The following SLC30A6 variants were observed in gnomAD, a reference collection of about 807,000 sequenced individuals.
SLC30A6 encodes the protein zinc transporter 6.
SLC30A6 carries 55 observed loss-of-function variants against 63.0 expected under a neutral mutation model. The ratio of observed to expected loss-of-function variants is 0.87; its 90% CI spans 0.70 to 1.09. SLC30A6 has a LOEUF of 1.09. SLC30A6 is among the 50% of genes least tolerant of loss of function. The pLI, the probability that SLC30A6 is intolerant of heterozygous loss-of-function variation, is 0.00. For missense variants in SLC30A6, 587 were observed against 549.2 expected (o/e 1.07, Z -0.69); for synonymous variants, 224 against 186.1 (o/e 1.20, Z -1.66).
chr2:32,200,501 C>G (rs1684192925), intron 10 of SLC30A6, among the ~76,000 whole-genome samples: 1 of 151,108 alleles, frequency 6.6e-6, no homozygotes. Flanking sequence ...TCATTTTGTT[C>G]TGTACTAAGA....
chr2:32,209,900 G>T (rs1685104705), intron 13 of SLC30A6, among the ~76,000 whole-genome samples: 1 of 152,068 alleles, frequency 6.6e-6, no homozygotes, highest in African/African-American at 2.4e-5. Flanking sequence ...CAAATTTGTA[G>T]TCAGTGTAAT....
intron 4 of SLC30A6, among the ~76,000 whole-genome samples, chr2:32,179,936 C>G: frequency 6.6e-6 from 1 of 152,034 alleles, no homozygotes; most frequent in Non-Finnish European, 1.5e-5. Context: ...AAATAAAACG[C>G]CAATTTAAAA....
chr2:32,214,385 A>G (rs1270326064), intron 13 of SLC30A6: 1 of 152,094 alleles, frequency 6.6e-6, no homozygotes, highest in Non-Finnish European at 1.5e-5. Context: ...TGCCTTTTAG[A>G]ACTACACACC....
intron 13 of SLC30A6, 21 bp downstream of exon 13, chr2:32,209,582 C>G: frequency 6.4e-7 from 1 of 1,559,704 alleles, no homozygotes; most frequent in Non-Finnish European, 8.7e-7. Flanking sequence ...TTACATATGA[C>G]TTTAGTTATA....
At chr2:32,215,977 T>A (rs1441363433) in intron 13 of SLC30A6, among the ~76,000 whole-genome samples, 2 of 152,176 alleles carry the variant, frequency 1.3e-5, no homozygotes, top group Non-Finnish European at 2.9e-5. Context: ...GGCACCTAGG[T>A]TGATGCCATG....
At chr2:32,191,849 T>G (rs1683355586) in intron 5 of SLC30A6, among the ~76,000 whole-genome samples, 1 of 152,008 alleles carries the variant, frequency 6.6e-6, no homozygotes, top group Non-Finnish European at 1.5e-5. Flanking sequence ...GGCAACATAG[T>G]GAGACCCCCA....
rs556775981 is a variant in SLC30A6, at chr2:32,187,658, C to T, written c.284+3320C>T. 3.9e-5 allele frequency among the ~76,000 whole-genome samples: 6 copies of T among 152,280 alleles called. No homozygotes were observed. The East Asian group carries it at 1.2e-3, about 29-fold the overall frequency. ...AGACTACCTTCTTGACAGCTTCACACGGATGTCTAATTGGTGTCTTAAACT... is the reference window on the plus strand; with the variant it reads ...AGACTACCTTCTTGACAGCTTCACATGGATGTCTAATTGGTGTCTTAAACT... On this transcript the variant is annotated intron_variant, in intron 5 of 13. Transcript: ENST00000282587.
intron 13 of SLC30A6, among the ~76,000 whole-genome samples, chr2:32,213,908 A>G (rs777856908): frequency 6.7e-6 from 1 of 150,344 alleles, no homozygotes; most frequent in East Asian, 1.9e-4. Context: ...AGTTCAAGCA[A>G]CTCTCCTGCC....
At chr2:32,207,322 T>C (rs1684857394) in intron 12 of SLC30A6, among the ~76,000 whole-genome samples, 1 of 152,074 alleles carries the variant, frequency 6.6e-6, no homozygotes, top group African/African-American at 2.4e-5. Flanking sequence ...GCAATTCTCC[T>C]TCCTCGGCCT....
rs770777957 is a variant in SLC30A6, at chr2:32,220,482, A to G, written c.1155A>G (p.Pro385=). Residue 385 remains proline, a synonymous_variant, in exon 14 of 14, where the codon CCA becomes CCG. Transcript: ENST00000282587. ...CAGCTAAACCTAGTAGTCCACCTCC[A>G]GAATTTTCATTTAACACTCCTGGGA... ...STPAKPSSPP[P]EFSFNTPGKN... The G allele has an allele frequency of 1.4e-5, 22 of 1,614,236 alleles. No homozygotes were observed. The highest frequency in any genetic ancestry group is 1.9e-5 in the Non-Finnish European group (22 of 1,180,038).
At chr2:32,194,819 G>A (rs1683633128) in intron 8 of SLC30A6, among the ~76,000 whole-genome samples, 1 of 152,046 alleles carries the variant, frequency 6.6e-6, no homozygotes, top group Admixed American at 6.6e-5. Context: ...ATTAAATAAT[G>A]ATAATTAAGA....
At chr2:32,183,408 C>T (rs942527426) in intron 4 of SLC30A6, among the ~76,000 whole-genome samples, 2 of 151,718 alleles carry the variant, frequency 1.3e-5, no homozygotes, top group South Asian at 2.1e-4. Context: ...CGGCCAGGCG[C>T]GGTGGCTCAC....
At chr2:32,195,750 C>G (rs1683733857) in intron 8 of SLC30A6, among the ~76,000 whole-genome samples, 1 of 151,654 alleles carries the variant, frequency 6.6e-6, no homozygotes, top group South Asian at 2.1e-4. Context: ...CTGTGTTACC[C>G]AGGCTGGTCT....
rs1475793086 is a variant in SLC30A6 at position 32,206,943 on chromosome 2, A to T, written c.816+10A>T. 1.3e-6 allele frequency: 2 copies of T among 1,594,778 alleles called. No individual in the cohort carries two copies. Among genetic ancestry groups the T allele is most frequent in the Admixed American group, 3.3e-5 (2 of 59,948 alleles). On this transcript the variant is annotated intron_variant, in intron 12 of 13. Coordinates refer to ENST00000282587, the MANE Select transcript of SLC30A6 (RefSeq NM_017964.5). ...CAAACTCATCAGAGAGGTAAGATGG[A>T]ATAGTAAATAAAATCATTTTATTTT...
In SLC30A6 at chr2:32,182,706, C is replaced by A. The variant is rs76971756; in HGVS notation, c.219-1567C>A. 5.9e-3 allele frequency among the ~76,000 whole-genome samples: 899 copies of A among 152,278 alleles called. 11 individuals carry two copies. The highest frequency in any genetic ancestry group is 0.02 in the African/African-American group (839 of 41,548). On this transcript the variant is annotated intron_variant, in intron 4 of 13. Transcript: ENST00000282587. Reference sequence around the variant, plus strand: ...CAGGGATAGAAATACAAATACTACTCCAAATTTTCAAATGTGCATTTCCAT... The same window carrying A: ...CAGGGATAGAAATACAAATACTACTACAAATTTTCAAATGTGCATTTCCAT...
chr2:32,197,249 G>A, intron 8 of SLC30A6, 95 bp from the exon 9 acceptor site: 1 of 1,140,798 alleles, frequency 8.8e-7, no homozygotes, highest in Non-Finnish European at 1.2e-6. Context: ...TTCAGTCACT[G>A]CCAAATTTAT....
At chr2:32,203,725 A>G (rs1261517595) in intron 10 of SLC30A6, 4 of 1,528,022 alleles carry the variant, frequency 2.6e-6, no homozygotes, top group South Asian at 2.2e-5. Flanking sequence ...TAAGTCAGAA[A>G]GGTTACAGGC....
At chr2:32,174,422 A>C (rs1356729725) in intron 3 of SLC30A6, among the ~76,000 whole-genome samples, 1 of 152,024 alleles carries the variant, frequency 6.6e-6, no homozygotes, top group Non-Finnish European at 1.5e-5. Flanking sequence ...CAAAATCCTG[A>C]GCTCAAACGA....
At position 32,209,519 on chromosome 2, in the gene SLC30A6, A is replaced by C; in HGVS notation, c.843A>C (p.Glu281Asp). 6.2e-7 allele frequency: 1 copy of C among 1,613,150 alleles called. No individual in the cohort carries two copies. The highest frequency in any genetic ancestry group is 1.3e-5 in the African/African-American group (1 of 74,980). ...TATCTACCTTAGATGGAGTTTTAGA[A>C]GTCCGAAATGAACATTTTTGGACCC... The part of the protein sequence containing the change: ...REVSTLDGVL[E>D]VRNEHFWTLG... Residue 281 changes from glutamate (E) to aspartate (D), a missense_variant, in exon 13 of 14, where the codon GAA becomes GAC. Coordinates refer to ENST00000282587, the MANE Select transcript of SLC30A6 (RefSeq NM_017964.5).
Sources: gnomAD v4.1 joint callset for allele counts (sites outside exome capture counted in the v4.1 genomes callset) on GRCh38, gnomAD v4.1.1 for gene constraint, MANE v1.5 for transcripts, NCBI Gene and HGNC (gene_info 2026-07-23, HGNC 2026-07-21) for gene names.